Variants in GOLGA4 observed in about 807,000 individuals in gnomAD.
The protein encoded by GOLGA4 is golgin subfamily A member 4.
A neutral mutation model predicts 265.9 loss-of-function variants in GOLGA4; 169 were observed. That is an observed-to-expected ratio of 0.64 (90% CI 0.56 to 0.72). The LOEUF (loss-of-function observed/expected upper bound fraction) is 0.72, where lower values mean the gene tolerates loss of function less well. Among genes scored for constraint, GOLGA4 ranks in the 30% least tolerant of loss-of-function variants. The pLI is 0.00. For missense variants in GOLGA4, 2,482 were observed against 2,483.4 expected (o/e 1.00, Z 0.01); for synonymous variants, 923 against 855.8 (o/e 1.08, Z -1.37).
intron 2 of GOLGA4, among the ~76,000 whole-genome samples, chr3:37,258,277 TA>T (rs1345894733): frequency 6.7e-6 from 1 of 149,352 alleles, no homozygotes; most frequent in African/African-American, 2.5e-5. Context: ...ATAGAGCATA[TA>T]TATGATATAT....
chr3:37,347,883 T>C (rs2097060991), intron 21 of GOLGA4, among the ~76,000 whole-genome samples: 2 of 152,206 alleles, frequency 1.3e-5, no homozygotes, highest in Non-Finnish European at 2.9e-5. Context: ...CTTGCAGTGT[T>C]TTAAAAAGAG....
chr3:37,336,802 AAGAAAGAG>A (rs1056540272), intron 17 of GOLGA4, among the ~76,000 whole-genome samples: 3 of 150,760 alleles, frequency 2.0e-5, no homozygotes, highest in African/African-American at 7.4e-5. Context: ...GAGAAAGAGA[AAGAAAGAG>A]AGAAAGAGAG....
intron 7 of GOLGA4, 39 bp from the exon 8 acceptor site, chr3:37,298,794 C>A: frequency 7.1e-7 from 1 of 1,404,904 alleles, no homozygotes; most frequent in Non-Finnish European, 9.8e-7. Flanking sequence ...GTTTCATATT[C>A]CTTACTGATG....
chr3:37,254,118 C>T (rs1189336399), intron 2 of GOLGA4, among the ~76,000 whole-genome samples: 1 of 151,974 alleles, frequency 6.6e-6, no homozygotes, highest in African/African-American at 2.4e-5. Flanking sequence ...AATCAATATA[C>T]TGAGTATAGA....
At position 37,366,120 on chromosome 3, in the gene GOLGA4, G is replaced by A. The variant is rs1384753505; in HGVS notation, c.*74G>A. On this transcript the variant is annotated 3_prime_UTR_variant, in exon 24 of 24. Coordinates refer to ENST00000361924, the MANE Select transcript of GOLGA4 (RefSeq NM_002078.5). Reference sequence around the variant, plus strand: ...TCATCTTGAAGAAGAGTGACATTGGGTGACTGCTGCTTGGAAAACTGTCCA... The same window carrying A: ...TCATCTTGAAGAAGAGTGACATTGGATGACTGCTGCTTGGAAAACTGTCCA... 20 of 1,518,738 alleles carry A rather than the reference G, an allele frequency of 1.3e-5. No individual in the cohort carries two copies. Among genetic ancestry groups the A allele is most frequent in the Non-Finnish European group, 1.6e-5 (18 of 1,135,770 alleles). 94.1% of individuals were successfully genotyped at this position (1,518,738 alleles called of 1,614,324 possible). A position where few individuals can be genotyped will look rare whatever the true frequency, so the allele number is the denominator to read the frequency against.
intron 11 of GOLGA4, 144 bp downstream of exon 11, chr3:37,315,742 A>G (rs967921470): frequency 7.1e-5 from 51 of 715,772 alleles, no homozygotes; most frequent in African/African-American, 5.1e-4. Flanking sequence ...AAAATTTTTG[A>G]TAGATAAATG....
At chr3:37,337,834 G>T in intron 19 of GOLGA4, 100 bp downstream of exon 19, 1 of 719,754 alleles carries the variant, frequency 1.4e-6, no homozygotes, top group Non-Finnish European at 2.4e-6. Context: ...AAATTTTTCA[G>T]TCTTACACCC....
chr3:37,317,883 T>A (rs2096942377), intron 11 of GOLGA4, among the ~76,000 whole-genome samples: 1 of 152,260 alleles, frequency 6.6e-6, no homozygotes, highest in Admixed American at 6.5e-5. Flanking sequence ...GTTTGTTATT[T>A]GTTGACTTTA....
In GOLGA4 at chr3:37,324,792, C is replaced by T. The variant is rs200649934; in HGVS notation, c.2906C>T (p.Thr969Met). The T allele has an allele frequency of 1.8e-5, 28 of 1,583,864 alleles. No homozygotes were observed. In the Admixed American group the frequency reaches 2.2e-4, roughly 12 times the overall value. Residue 969 changes from threonine to methionine, a missense_variant, in exon 14 of 24, where the codon ACG becomes ATG. Around this residue, in one of 3 missense-constraint regions of GOLGA4, gnomAD observed 1,536 missense variants for 1,483.7 expected, o/e 1.04. Coordinates refer to ENST00000361924, the MANE Select transcript of GOLGA4 (RefSeq NM_002078.5). ...CAGAAAGCAAAGGAGATGCAAGAAA[C>T]GTTAAAGAAAAAATTACTGGATCAG... ...VKQKAKEMQETLKKKLLDQEA... is the reference protein window; with the variant it reads ...VKQKAKEMQEMLKKKLLDQEA...
intron 2 of GOLGA4, among the ~76,000 whole-genome samples, chr3:37,260,812 A>C (rs1234257679): frequency 6.6e-6 from 1 of 152,128 alleles, no homozygotes; most frequent in Non-Finnish European, 1.5e-5. Context: ...GGAATCTAAA[A>C]ATCACTGAAA....
chr3:37,318,136 A>G (rs2096943167), intron 11 of GOLGA4, among the ~76,000 whole-genome samples: 1 of 152,094 alleles, frequency 6.6e-6, no homozygotes, highest in Non-Finnish European at 1.5e-5. Flanking sequence ...GATTCAACTT[A>G]AATTTTTCCC....
At chr3:37,271,527 C>T (rs1030784805) in intron 2 of GOLGA4, among the ~76,000 whole-genome samples, 25 of 152,074 alleles carry the variant, frequency 1.6e-4, no homozygotes, top group African/African-American at 6.0e-4. Flanking sequence ...AGAACCCCTC[C>T]CCATATCTAT....
chr3:37,243,717 G>A (rs2096709549), intron 1 of GOLGA4, 95 bp downstream of exon 1: 6 of 1,041,704 alleles, frequency 5.8e-6, no homozygotes, highest in Admixed American at 2.2e-5. Context: ...GTTCTTCCGT[G>A]ACCTTTAACC....
intron 1 of GOLGA4, among the ~76,000 whole-genome samples, chr3:37,245,074 T>C (rs2096715249): frequency 6.6e-6 from 1 of 152,234 alleles, no homozygotes; most frequent in Non-Finnish European, 1.5e-5. Flanking sequence ...GATTTTCACG[T>C]CAATGTTGTT....
rs779552825 is a variant in GOLGA4, at chr3:37,326,126, G to A, written c.4240G>A (p.Val1414Met). 1.9e-6 allele frequency: 3 copies of A among 1,613,730 alleles called. No homozygotes were observed. Residue 1414 changes from valine (V) to methionine (M), a missense_variant, in exon 14 of 24, where the codon GTG becomes ATG. Transcript: ENST00000361924. ...DEEKCELLDQVQDLSFKVDTL... is the reference protein window; with the variant it reads ...DEEKCELLDQMQDLSFKVDTL... The stretch of plus-strand genomic sequence containing the variant: ...AGAAAAATGTGAATTGCTGGATCAG[G>A]TGCAAGATTTATCTTTTAAAGTTGA...
rs920678289 is a variant in GOLGA4, at chr3:37,298,986, T to C, written c.968T>C (p.Leu323Pro). 3 of 1,596,166 alleles carry C rather than the reference T, an allele frequency of 1.9e-6. No homozygotes were observed. The highest frequency in any genetic ancestry group is 1.7e-6 in the Non-Finnish European group (2 of 1,175,566). Residue 323 changes from leucine to proline, a missense_variant, in exon 8 of 24, where the codon CTG (leucine) becomes CCG (proline). This residue lies in a region of GOLGA4 where 1,536 missense variants were observed against 1,483.7 expected (regional missense o/e 1.04). Transcript: ENST00000361924. ...TSEKEALQEQ[L>P]DERLQELEKI... Reference sequence around the variant, plus strand: ...GAAAAAGAAGCTCTGCAAGAACAACTGGATGAAAGACTTCAAGAACTAGAA... The same window carrying C: ...GAAAAAGAAGCTCTGCAAGAACAACCGGATGAAAGACTTCAAGAACTAGAA...
intron 3 of GOLGA4, among the ~76,000 whole-genome samples, chr3:37,282,641 T>C (rs2096837921): frequency 6.6e-6 from 1 of 152,220 alleles, no homozygotes; most frequent in Non-Finnish European, 1.5e-5. Context: ...CTGATGCGGC[T>C]CCAAAATGAC....
chr3:37,337,013 C>T (rs913286323), intron 17 of GOLGA4, 130 bp from the exon 18 acceptor site: 30 of 654,480 alleles, frequency 4.6e-5, no homozygotes, highest in Non-Finnish European at 8.0e-5. Context: ...TGCCTTACCT[C>T]AAGTCTGACC....
Position 37,340,168 on chromosome 3 carries a change from A to G in GOLGA4, c.6441A>G (p.Val2147=). The change falls in exon 20 of 24, where the codon GTA becomes GTG. Residue 2147 remains valine (V), a synonymous_variant. Transcript: ENST00000361924. ...EDRLKKYEKN[V]YATTVGTPYK... Reference sequence around the variant, plus strand: ...GTTTGAAGAAATATGAAAAGAATGTATATGCAACAACTGTGGGGACACCTT... The same window carrying G: ...GTTTGAAGAAATATGAAAAGAATGTGTATGCAACAACTGTGGGGACACCTT... 1.4e-6 allele frequency: 2 copies of G among 1,436,664 alleles called. No homozygotes were observed. Among genetic ancestry groups the G allele is most frequent in the South Asian group, 1.2e-5 (1 of 82,824 alleles). The allele number at this position is 1,436,664 out of a possible 1,614,324, so 89.0% of individuals were successfully genotyped here.
Sources: allele counts gnomAD v4.1 joint callset (sites outside exome capture counted in the v4.1 genomes callset), GRCh38; gene constraint gnomAD v4.1.1; regional missense constraint gnomAD v4.1.1; transcripts MANE v1.5; gene names NCBI Gene and HGNC (gene_info 2026-07-23, HGNC 2026-07-21).